PYROXD1: variants seen among roughly 807,000 people sequenced by gnomAD.
The protein encoded by PYROXD1 is tRNA ligase complex-associated NAD(P)H dehydrogenase PYROXD1.
A neutral mutation model predicts 62.0 loss-of-function variants in PYROXD1; 42 were observed. That is an observed-to-expected ratio of 0.68 (90% CI 0.53 to 0.88). PYROXD1 has a LOEUF of 0.88. Among genes scored for constraint, PYROXD1 ranks in the 40% least tolerant of loss-of-function variants. PYROXD1 has a pLI of 0.00. For synonymous variants in PYROXD1, 170 were observed against 206.4 expected (o/e 0.82, Z 1.51); for missense variants, 493 against 604.8 (o/e 0.82, Z 1.94).
Position 21,467,626 on chromosome 12 carries a change from AG to A in PYROXD1, c.1254+9del, listed in dbSNP as rs1041955139. The A allele has an allele frequency of 1.9e-6, 3 of 1,602,110 alleles. No homozygotes were observed. In the African/African-American group the frequency reaches 4.0e-5, roughly 22 times the overall value. ...AAATTTTTTAACTATAAGGTAAGAT[AG>A]TTAAGCATATTAATGCCTTCTCTGC... On this transcript the variant is annotated intron_variant, in intron 11 of 11. Coordinates refer to ENST00000240651, the MANE Select transcript of PYROXD1 (RefSeq NM_024854.5).
At chr12:21,453,599 TAG>T (rs1169296727) in intron 5 of PYROXD1, among the ~76,000 whole-genome samples, 1 of 152,094 alleles carries the variant, frequency 6.6e-6, no homozygotes, top group Non-Finnish European at 1.5e-5. Flanking sequence ...TCTGCTTCTG[TAG>T]AGTCATTTTC....
intron 3 of PYROXD1, chr12:21,448,201 A>G (rs1942428405): frequency 5.0e-6 from 3 of 605,766 alleles, no homozygotes; most frequent in East Asian, 2.9e-5. Flanking sequence ...CAGCCACCAT[A>G]GGTTTTCTCT....
Position 21,468,616 on chromosome 12 carries a change from A to G in PYROXD1, c.1365A>G (p.Arg455=). 1 of 1,613,138 alleles carries G rather than the reference A, an allele frequency of 6.2e-7. No homozygotes were observed. The highest frequency in any genetic ancestry group is 8.5e-7 in the Non-Finnish European group (1 of 1,179,420). ...TCAAAGTCGTCATGCAAAATGGACG[A>G]ATGATGGGAGCTGTCTTAATTGGTG... ...EYIKVVMQNG[R]MMGAVLIGET... The change falls in exon 12 of 12, where the codon CGA becomes CGG. Residue 455 remains arginine (R), a synonymous_variant. Coordinates refer to ENST00000240651, the MANE Select transcript of PYROXD1 (RefSeq NM_024854.5).
chr12:21,441,309 C>T (rs1415986525), intron 2 of PYROXD1: 2 of 152,264 alleles, frequency 1.3e-5, no homozygotes, highest in Non-Finnish European at 1.5e-5. Flanking sequence ...AGGTGTGAGC[C>T]ACCGCGCCCA....
At chr12:21,468,407 A>G (rs539711729) in intron 11 of PYROXD1, 99 bp from the exon 12 acceptor site, 23 of 1,139,596 alleles carry the variant, frequency 2.0e-5, no homozygotes, top group South Asian at 1.5e-4. Flanking sequence ...ATTTTGTGGC[A>G]TAAGTTTTCT....
chr12:21,464,621 AGT>A (rs1942757912), intron 10 of PYROXD1, among the ~76,000 whole-genome samples: 4 of 152,172 alleles, frequency 2.6e-5, no homozygotes, highest in African/African-American at 9.7e-5. Context: ...CAGAGTAGGT[AGT>A]GTTATGTTTA....
intron 7 of PYROXD1, 106 bp downstream of exon 7, chr12:21,456,201 C>A: frequency 1.5e-6 from 1 of 681,094 alleles, no homozygotes; most frequent in Non-Finnish European, 2.5e-6. Flanking sequence ...TGTTAGGTCA[C>A]TTTACTTAAA....
Position 21,467,501 on chromosome 12 carries a change from T to C in PYROXD1, c.1137T>C (p.Ala379=). The stretch of plus-strand genomic sequence containing the variant: ...TTCAGATGAGGCTGTGGACCCAGGC[T>C]AGACAGATGGGATGGTATGCAGCAA... The part of the protein sequence containing the change: ...VWQQMRLWTQ[A]RQMGWYAAKC... The change falls in exon 11 of 12, where the codon GCT becomes GCC. Residue 379 remains alanine (A), a synonymous_variant. Coordinates refer to ENST00000240651, the MANE Select transcript of PYROXD1 (RefSeq NM_024854.5). 6.2e-7 allele frequency: 1 copy of C among 1,610,446 alleles called. No homozygotes were observed. The highest frequency in any genetic ancestry group is 8.5e-7 in the Non-Finnish European group (1 of 1,178,562).
chr12:21,455,837 TATTA>T (rs1324882145), intron 6 of PYROXD1, among the ~76,000 whole-genome samples, 154 bp from the exon 7 acceptor site: 1 of 152,038 alleles, frequency 6.6e-6, no homozygotes, highest in Non-Finnish European at 1.5e-5. Context: ...ATCAGAAAAA[TATTA>T]ATGACTAAAA....
At chr12:21,446,150 GCGTTGGCTCACGCCTGTA>G (rs1942382929) in intron 3 of PYROXD1, among the ~76,000 whole-genome samples, 1 of 152,214 alleles carries the variant, frequency 6.6e-6, no homozygotes, top group Admixed American at 6.5e-5. Context: ...TTGGGCCGGT[GCGTTGGCTCACGCCTGTA>G]ATCCCAGCAC....
chr12:21,456,180 A>G (rs1245413657), intron 7 of PYROXD1, 85 bp downstream of exon 7: 1 of 855,966 alleles, frequency 1.2e-6, no homozygotes, highest in East Asian at 2.6e-5. Flanking sequence ...ATAAATATAT[A>G]GTCAACGAAC....
At chr12:21,444,864 AG>A (rs1382080111) in intron 2 of PYROXD1, among the ~76,000 whole-genome samples, 1 of 152,246 alleles carries the variant, frequency 6.6e-6, no homozygotes, top group African/African-American at 2.4e-5. Flanking sequence ...TAAGAGAGCA[AG>A]GAAGTAAAGG....
intron 1 of PYROXD1, chr12:21,438,129 C>G: frequency 3.2e-6 from 1 of 316,900 alleles, no homozygotes; most frequent in Non-Finnish European, 5.8e-6. Context: ...ATTCAGCCCC[C>G]TTTCTTTTTA....
intron 10 of PYROXD1, among the ~76,000 whole-genome samples, chr12:21,464,572 C>T (rs1942756903): frequency 6.6e-6 from 1 of 152,072 alleles, no homozygotes; most frequent in Non-Finnish European, 1.5e-5. Flanking sequence ...AAACCAAGTG[C>T]TTATTATACG....
intron 9 of PYROXD1, 108 bp downstream of exon 9, chr12:21,462,228 T>A: frequency 1.5e-6 from 1 of 658,772 alleles, no homozygotes; most frequent in Non-Finnish European, 2.7e-6. Context: ...AACTGTAACT[T>A]AACATGGTTG....
intron 11 of PYROXD1, among the ~76,000 whole-genome samples, chr12:21,468,010 G>A (rs1282780638): frequency 1.8e-5 from 2 of 111,594 alleles, no homozygotes; most frequent in African/African-American, 7.0e-5. Context: ...GACAAAGGTT[G>A]TTTTGGGTTT....
At position 21,468,522 on chromosome 12, in the gene PYROXD1, A is replaced by AAT. The variant is rs1184868790; in HGVS notation, c.1273_1274dup (p.Asn426ThrfsTer6). 6.2e-7 allele frequency: 1 copy of AAT among 1,612,284 alleles called. No individual in the cohort carries two copies. Among genetic ancestry groups the AAT allele is most frequent in the East Asian group, 2.2e-5 (1 of 44,794 alleles). ...TAAATATAGGTTGTACTGCTGGGAA[A>AAT]ATACAATGCACAGGGCTTAGGTTCA... On this transcript the variant is annotated frameshift_variant, in exon 12 of 12. Transcript: ENST00000240651. LOFTEE classifies it high-confidence loss of function.
rs141963258 is a variant in PYROXD1 at position 21,450,839 on chromosome 12, C to G, written c.414+1148C>G. Among the ~76,000 whole-genome samples the G allele has an allele frequency of 8.3e-3, 1,270 of 152,264 alleles. 26 individuals carry two copies. Among genetic ancestry groups the G allele is most frequent in the African/African-American group, 0.028 (1,169 of 41,556 alleles). On this transcript the variant is annotated intron_variant, in intron 4 of 11. Transcript: ENST00000240651. ...TAGCTCGGTCCTCTACATACATGAACTCATTGAATCCTCATGATAATCCTG... is the reference window on the plus strand; with the variant it reads ...TAGCTCGGTCCTCTACATACATGAAGTCATTGAATCCTCATGATAATCCTG...
chr12:21,444,320 T>C (rs2039882569), intron 2 of PYROXD1, among the ~76,000 whole-genome samples: 1 of 152,206 alleles, frequency 6.6e-6, no homozygotes, highest in Admixed American at 6.5e-5. Context: ...GTACCTATAT[T>C]ATATATTAAC....
Sources: allele counts gnomAD v4.1 joint callset (sites outside exome capture counted in the v4.1 genomes callset), GRCh38; gene constraint gnomAD v4.1.1; transcripts MANE v1.5; gene names NCBI Gene and HGNC (gene_info 2026-07-23, HGNC 2026-07-21).